The following ZNF141 variants were observed in gnomAD, a reference collection of about 807,000 sequenced individuals.
The protein encoded by ZNF141 is zinc finger protein 141 (clone pHZ-44).
Under a neutral mutation model 11.3 loss-of-function variants are expected in ZNF141, and 7 were observed. The ratio of observed to expected loss-of-function variants is 0.62; its 90% CI spans 0.35 to 1.16. ZNF141 has a LOEUF of 1.16. Among genes scored for constraint, ZNF141 ranks in the 50% most tolerant of loss-of-function variants. The probability of loss-of-function intolerance (pLI) is 0.02; values close to 1 mark genes in which losing one functional copy is unlikely to be tolerated. For missense variants in ZNF141, 535 were observed against 554.0 expected (o/e 0.97, Z 0.34); for synonymous variants, 183 against 190.7 (o/e 0.96, Z 0.33).
At chr4:369,173 A>G (rs782523843) in intron 3 of ZNF141, among the ~76,000 whole-genome samples, 415 of 152,122 alleles carry the variant, frequency 2.7e-3, no homozygotes, top group Non-Finnish European at 5.2e-3. Context: ...ACACACACAC[A>G]CACTCACACA....
chr4:344,040 C>A (rs1721193631), intron 2 of ZNF141, 132 bp downstream of exon 2: 3 of 1,291,762 alleles, frequency 2.3e-6, no homozygotes, highest in Non-Finnish European at 1.1e-6. Flanking sequence ...TAATTTGAGT[C>A]CTTCACTCTA....
rs1366181494 is a variant in ZNF141 at position 351,158 on chromosome 4, G to C, written c.226+6728G>C. Reference sequence around the variant, plus strand: ...CTCCCTTTGCTTTGTGCCGTGACTGGAAGCTTTCTGAGGCCTCCCCAAAAG... The same window carrying C: ...CTCCCTTTGCTTTGTGCCGTGACTGCAAGCTTTCTGAGGCCTCCCCAAAAG... On this transcript the variant is annotated intron_variant, in intron 3 of 3. Transcript: ENST00000240499. Among the ~76,000 whole-genome samples, 29 of 151,946 alleles carry C rather than the reference G, an allele frequency of 1.9e-4. 1 individual carries two copies. The highest frequency in any genetic ancestry group is 1.9e-3 in the Admixed American group (29 of 15,258).
At chr4:344,570 C>T (rs76521508) in intron 3 of ZNF141, 140 bp downstream of exon 3, 30 of 562,326 alleles carry the variant, frequency 5.3e-5, no homozygotes, top group Non-Finnish European at 7.8e-5. Flanking sequence ...CCGAGGCAGG[C>T]GGATCACGAG....
intron 3 of ZNF141, among the ~76,000 whole-genome samples, chr4:359,589 C>G (rs971657220): frequency 6.6e-6 from 1 of 152,096 alleles, no homozygotes; most frequent in Admixed American, 6.6e-5. Context: ...CTCCCTGCCT[C>G]TAGCTGCCAG....
chr4:358,546 G>T, intron 3 of ZNF141: 1 of 161,960 alleles, frequency 6.2e-6, no homozygotes, highest in Non-Finnish European at 1.3e-5. Flanking sequence ...TTAGTAATCT[G>T]TGTACTTTTG....
chr4:357,670 C>T (rs1721906442), intron 3 of ZNF141, among the ~76,000 whole-genome samples: 1 of 151,472 alleles, frequency 6.6e-6, no homozygotes, highest in Non-Finnish European at 1.5e-5. Flanking sequence ...CAGTGTGGGA[C>T]CCAAATGCTT....
In ZNF141 at chr4:383,070, TAA is replaced by T; in HGVS notation, c.*9210_*9211del. 2 of 680,140 alleles carry T rather than the reference TAA, an allele frequency of 2.9e-6. No individual in the cohort carries two copies. The highest frequency in any genetic ancestry group is 2.7e-6 in the Non-Finnish European group (1 of 375,236). 42.1% of individuals were successfully genotyped at this position (680,140 alleles called of 1,614,324 possible). A position where few individuals can be genotyped will look rare whatever the true frequency, so the allele number is the denominator to read the frequency against. On this transcript the variant is annotated 3_prime_UTR_variant, in exon 4 of 4. Coordinates refer to ENST00000240499, the MANE Select transcript of ZNF141 (RefSeq NM_003441.4). ...GTTTGGGGCCCAGGTTTAAAGGTCCTAAATGCTTCTGTTATCTTTTTCAGAAT... is the reference window on the plus strand; with the variant it reads ...GTTTGGGGCCCAGGTTTAAAGGTCCTATGCTTCTGTTATCTTTTTCAGAAT...
chr4:359,310 C>G (rs1553851758), intron 3 of ZNF141, among the ~76,000 whole-genome samples: 1 of 152,088 alleles, frequency 6.6e-6, no homozygotes, highest in African/African-American at 2.4e-5. Flanking sequence ...AAAAAAAAAC[C>G]CAGTTAATAT....
At chr4:338,091 C>T (rs1720876664) in intron 1 of ZNF141, 105 bp downstream of exon 1, 9 of 1,527,862 alleles carry the variant, frequency 5.9e-6, no homozygotes, top group Non-Finnish European at 8.1e-6. Context: ...GCTGCCGCCG[C>T]TCAGCCCTGG....
chr4:351,435 A>G (rs991223451), intron 3 of ZNF141, among the ~76,000 whole-genome samples: 2 of 151,810 alleles, frequency 1.3e-5, no homozygotes, highest in Admixed American at 6.6e-5. Context: ...GGGTTTTACC[A>G]TGTTAGCCAG....
In ZNF141 at chr4:372,794, T is replaced by C; in HGVS notation, c.357T>C (p.Ser119=). ...TACAATTAAGAAAAGGCTGTAAAAG[T>C]TTGAATGAGTGTAAGTTGCAGAAAG... ...DNLQLRKGCK[S]LNECKLQKGG... is the part of the protein sequence containing the mutation. The change falls in exon 4 of 4, where the codon AGT becomes AGC. Residue 119 remains serine (S), a synonymous_variant. Transcript: ENST00000240499. 1 of 1,613,884 alleles carries C rather than the reference T, an allele frequency of 6.2e-7. No individual in the cohort carries two copies.
At chr4:361,589 C>T (rs1711506982) in intron 3 of ZNF141, among the ~76,000 whole-genome samples, 1 of 152,102 alleles carries the variant, frequency 6.6e-6, no homozygotes, top group Non-Finnish European at 1.5e-5. Flanking sequence ...TGAGTGTTCT[C>T]ATTGTTCAAT....
At chr4:358,183 CTTT>C (rs575102486) in intron 3 of ZNF141, 1,214 of 298,794 alleles carry the variant, frequency 4.1e-3, no homozygotes, top group Middle Eastern at 7.3e-3. Flanking sequence ...GTTTCTCGTT[CTTT>C]TTTTTTTTTT....
At chr4:367,437 A>G (rs1553853046) in intron 3 of ZNF141, among the ~76,000 whole-genome samples, 1 of 152,152 alleles carries the variant, frequency 6.6e-6, no homozygotes, top group Non-Finnish European at 1.5e-5. Context: ...CGACTTGAAG[A>G]TAAGTTCAAA....
At chr4:339,546 G>T (rs1720953690) in intron 1 of ZNF141, among the ~76,000 whole-genome samples, 1 of 152,222 alleles carries the variant, frequency 6.6e-6, no homozygotes, top group African/African-American at 2.4e-5. Context: ...CCTGTTGTAG[G>T]ACCAAATACA....
intron 3 of ZNF141, among the ~76,000 whole-genome samples, chr4:365,043 C>T (rs1711671127): frequency 1.3e-5 from 2 of 152,212 alleles, no homozygotes; most frequent in Middle Eastern, 3.2e-3. Flanking sequence ...CAATGGTGGA[C>T]GCTCCTCCCC....
chr4:370,008 A>T (rs1711977843), intron 3 of ZNF141, among the ~76,000 whole-genome samples: 1 of 151,428 alleles, frequency 6.6e-6, no homozygotes, highest in South Asian at 2.1e-4. Context: ...CTCGTGATCC[A>T]CCTGCCTCAG....
At chr4:346,890 C>T (rs1228355551) in intron 3 of ZNF141, among the ~76,000 whole-genome samples, 20 of 125,880 alleles carry the variant, frequency 1.6e-4, no homozygotes, top group African/African-American at 6.3e-4. Flanking sequence ...CACACACACA[C>T]ACACCGCCCC....
rs75808368 is a variant in ZNF141 at position 343,920 on chromosome 4, T to C, written c.130+12T>C. 6,722 of 1,583,992 alleles carry C rather than the reference T, an allele frequency of 4.2e-3. 275 individuals are homozygous for C. The East Asian group carries it at 0.1, about 24-fold the overall frequency. The stretch of plus-strand genomic sequence containing the variant: ...CCTGGTCTCCCTGGGTGAGGATAAC[T>C]TCAATACATAATTCCTAATTTTTCT... On this transcript the variant is annotated intron_variant, in intron 2 of 3. Coordinates refer to ENST00000240499, the MANE Select transcript of ZNF141 (RefSeq NM_003441.4).
Sources: gnomAD v4.1 joint callset for allele counts (sites outside exome capture counted in the v4.1 genomes callset) on GRCh38, gnomAD v4.1.1 for gene constraint, MANE v1.5 for transcripts, NCBI Gene and HGNC (gene_info 2026-07-23, HGNC 2026-07-21) for gene names.